GABBR2: variants seen among roughly 807,000 people sequenced by gnomAD.
The protein encoded by GABBR2 is gamma-aminobutyric acid type B receptor subunit 2.
In GABBR2, 23 loss-of-function variants were observed where a neutral mutation model predicts 105.6. The ratio of observed to expected loss-of-function variants is 0.22; its 90% CI spans 0.16 to 0.31. The LOEUF (loss-of-function observed/expected upper bound fraction) is 0.31, where lower values mean the gene tolerates loss of function less well. GABBR2 is among the 10% of genes least tolerant of loss of function. The pLI, the probability that GABBR2 is intolerant of heterozygous loss-of-function variation, is 1.00. For synonymous variants in GABBR2, 478 were observed against 499.7 expected (o/e 0.96, Z 0.58); for missense variants, 734 against 1,245.5 (o/e 0.59, Z 6.18).
At chr9:98,392,003 G>A (rs1832190032) in intron 9 of GABBR2, among the ~76,000 whole-genome samples, 1 of 151,704 alleles carries the variant, frequency 6.6e-6, no homozygotes, top group African/African-American at 2.4e-5. Flanking sequence ...GGCCAGGTGT[G>A]GATAGAAGGC....
intron 3 of GABBR2, among the ~76,000 whole-genome samples, chr9:98,540,470 C>T (rs1001989218): frequency 6.6e-6 from 1 of 152,174 alleles, no homozygotes; most frequent in Non-Finnish European, 1.5e-5. Flanking sequence ...ATGAAGTGGT[C>T]TCTCCTTCCC....
intron 1 of GABBR2, among the ~76,000 whole-genome samples, chr9:98,596,596 A>G (rs1335900670): frequency 6.6e-6 from 1 of 152,080 alleles, no homozygotes; most frequent in Non-Finnish European, 1.5e-5. Context: ...CAGCCCTGCC[A>G]TGGAAGGAGC....
intron 1 of GABBR2, among the ~76,000 whole-genome samples, chr9:98,579,261 G>GC (rs765196974): frequency 1.2e-3 from 184 of 152,340 alleles, no homozygotes; most frequent in Non-Finnish European, 1.9e-3. Flanking sequence ...ATTGGATGCA[G>GC]CCCCTGCCAA....
At chr9:98,594,138 G>C (rs1329975402) in intron 1 of GABBR2, among the ~76,000 whole-genome samples, 1 of 152,212 alleles carries the variant, frequency 6.6e-6, no homozygotes, top group Non-Finnish European at 1.5e-5. Context: ...GTTGTAAGGG[G>C]GTTCTGGGGT....
chr9:98,433,175 T>C (rs1384370251), intron 7 of GABBR2, among the ~76,000 whole-genome samples: 1 of 152,226 alleles, frequency 6.6e-6, no homozygotes, highest in Non-Finnish European at 1.5e-5. Flanking sequence ...TGTAAAGCAT[T>C]GCAGAGCTGC....
intron 11 of GABBR2, among the ~76,000 whole-genome samples, chr9:98,374,717 T>A (rs918508231): frequency 1.3e-5 from 2 of 152,222 alleles, no homozygotes; most frequent in African/African-American, 4.8e-5. Flanking sequence ...CTTAAGCGTG[T>A]CCTGTGCTCC....
chr9:98,535,658 C>T (rs1162926893), intron 3 of GABBR2, among the ~76,000 whole-genome samples: 1 of 151,922 alleles, frequency 6.6e-6, no homozygotes, highest in Non-Finnish European at 1.5e-5. Context: ...GGAACCAATC[C>T]CCCATGGTTA....
At chr9:98,487,840 T>G (rs1827091745) in intron 4 of GABBR2, among the ~76,000 whole-genome samples, 1 of 152,128 alleles carries the variant, frequency 6.6e-6, no homozygotes, top group South Asian at 2.1e-4. Flanking sequence ...GTACGTTATG[T>G]CACGTGGTAA....
At chr9:98,553,939 T>C (rs180676300) in intron 2 of GABBR2, among the ~76,000 whole-genome samples, 1 of 152,220 alleles carries the variant, frequency 6.6e-6, no homozygotes, top group Non-Finnish European at 1.5e-5. Flanking sequence ...ACTTCTCTAG[T>C]CTAATTTTGA....
In GABBR2 at chr9:98,532,404, C is replaced by A. The variant is rs1296064107; in HGVS notation, c.630+9469G>T. ...CAAGTTCTTCAGATAAAAGTTGGGG[C>A]CCGAGGTGGGGCACTAGTACCATTA... On this transcript the variant is annotated intron_variant, in intron 3 of 18. Transcript: ENST00000259455. Among the ~76,000 whole-genome samples, 6 of 152,192 alleles carry A rather than the reference C, an allele frequency of 3.9e-5. No individual in the cohort carries two copies. The East Asian group carries it at 9.6e-4, about 24-fold the overall frequency.
intron 1 of GABBR2, among the ~76,000 whole-genome samples, chr9:98,613,257 A>G (rs1829531960): frequency 6.6e-6 from 1 of 152,060 alleles, no homozygotes; most frequent in Non-Finnish European, 1.5e-5. Context: ...TGGGCAACAT[A>G]ATGAGACCCA....
intron 2 of GABBR2, among the ~76,000 whole-genome samples, chr9:98,560,921 G>T (rs905604527): frequency 6.6e-6 from 1 of 151,708 alleles, no homozygotes. Flanking sequence ...ATCTTGGAAA[G>T]AATGAAATTA....
chr9:98,678,673 A>C (rs1830504587), intron 1 of GABBR2, among the ~76,000 whole-genome samples: 1 of 152,150 alleles, frequency 6.6e-6, no homozygotes. Context: ...GGGGAGGTGA[A>C]GCTCCCCAGC....
At chr9:98,444,932 G>A (rs557726130) in intron 7 of GABBR2, among the ~76,000 whole-genome samples, 1 of 152,238 alleles carries the variant, frequency 6.6e-6, no homozygotes, top group African/African-American at 2.4e-5. Flanking sequence ...ACCGCTACCA[G>A]GTATCACAGC....
chr9:98,549,593 C>A (rs1313161453), intron 2 of GABBR2, among the ~76,000 whole-genome samples: 1 of 152,182 alleles, frequency 6.6e-6, no homozygotes, highest in Non-Finnish European at 1.5e-5. Context: ...GGTGGTGCTG[C>A]CATGCCCCTG....
chr9:98,574,461 G>A (rs535104587), intron 2 of GABBR2, among the ~76,000 whole-genome samples: 7 of 152,296 alleles, frequency 4.6e-5, no homozygotes, highest in East Asian at 3.9e-4. Flanking sequence ...CAGATCCTTC[G>A]GCCCTAATCA....
At chr9:98,483,178 G>A (rs1401402866) in intron 4 of GABBR2, among the ~76,000 whole-genome samples, 1 of 152,108 alleles carries the variant, frequency 6.6e-6, no homozygotes, top group African/African-American at 2.4e-5. Context: ...TCAGGAACTT[G>A]GGAGTCATCT....
intron 1 of GABBR2, among the ~76,000 whole-genome samples, chr9:98,644,177 T>C (rs574855760): frequency 1.4e-3 from 214 of 152,276 alleles, no homozygotes; most frequent in African/African-American, 5.0e-3. Context: ...ACACAGATAG[T>C]TGTGGTGCAG....
At chr9:98,705,687 C>A (rs1830883720) in intron 1 of GABBR2, among the ~76,000 whole-genome samples, 1 of 152,234 alleles carries the variant, frequency 6.6e-6, no homozygotes, top group African/African-American at 2.4e-5. Context: ...GATTTTGCTG[C>A]AAATTACCTA....
Sources: allele counts gnomAD v4.1 joint callset (sites outside exome capture counted in the v4.1 genomes callset), GRCh38; gene constraint gnomAD v4.1.1; transcripts MANE v1.5; gene names NCBI Gene and HGNC (gene_info 2026-07-23, HGNC 2026-07-21).